FILIP1L: variants seen among roughly 807,000 people sequenced by gnomAD.
The protein encoded by FILIP1L is filamin A interacting protein 1 like.
FILIP1L carries 55 observed loss-of-function variants against 96.6 expected under a neutral mutation model. The ratio of observed to expected loss-of-function variants is 0.57; its 90% CI spans 0.46 to 0.71. FILIP1L has a LOEUF of 0.71. FILIP1L is among the 30% of genes least tolerant of loss of function. The pLI is 0.00. For missense variants in FILIP1L, 1,304 were observed against 1,321.2 expected (o/e 0.99, Z 0.20); for synonymous variants, 467 against 473.9 (o/e 0.99, Z 0.19).
chr3:99,903,325 C>T (rs1247096928), intron 4 of FILIP1L, among the ~76,000 whole-genome samples: 1 of 151,818 alleles, frequency 6.6e-6, no homozygotes, highest in East Asian at 1.9e-4. Context: ...GATCTCAGCT[C>T]ACTGCAACCT....
chr3:99,944,961 G>C (rs541913767), intron 1 of FILIP1L, among the ~76,000 whole-genome samples: 1 of 152,310 alleles, frequency 6.6e-6, no homozygotes, highest in South Asian at 2.1e-4. Flanking sequence ...CTTCACTACT[G>C]TTCATTATTC....
intron 4 of FILIP1L, among the ~76,000 whole-genome samples, chr3:99,889,292 A>C (rs1706009024): frequency 6.6e-6 from 1 of 152,134 alleles, no homozygotes; most frequent in Non-Finnish European, 1.5e-5. Context: ...CACAAATTCA[A>C]ACTGTTCCTA....
intron 1 of FILIP1L, among the ~76,000 whole-genome samples, chr3:99,938,751 G>A (rs988904124): frequency 4.6e-5 from 7 of 152,020 alleles, no homozygotes; most frequent in African/African-American, 9.7e-5. Flanking sequence ...TGTTAATAGC[G>A]CTCAGTTGCA....
At chr3:99,911,179 A>AATGT (rs1408887942) in intron 4 of FILIP1L, among the ~76,000 whole-genome samples, 7 of 152,066 alleles carry the variant, frequency 4.6e-5, no homozygotes, top group African/African-American at 1.7e-4. Flanking sequence ...AGCCAAATGG[A>AATGT]AATGTATTTC....
At chr3:99,867,444 C>T (rs1437360934) in intron 4 of FILIP1L, among the ~76,000 whole-genome samples, 1 of 152,142 alleles carries the variant, frequency 6.6e-6, no homozygotes, top group East Asian at 1.9e-4. Context: ...AAAGCTCTGG[C>T]TTCACTATTC....
At chr3:100,099,526 G>A (rs368404237) in intron 1 of FILIP1L, among the ~76,000 whole-genome samples, 4 of 152,032 alleles carry the variant, frequency 2.6e-5, no homozygotes, top group African/African-American at 7.2e-5. Flanking sequence ...TATTTGTATC[G>A]GTCTAATTAT....
At chr3:99,958,783 G>A (rs542157023) in intron 1 of FILIP1L, among the ~76,000 whole-genome samples, 1 of 152,296 alleles carries the variant, frequency 6.6e-6, no homozygotes, top group South Asian at 2.1e-4. Context: ...GGCTGGTGAT[G>A]TAGTGGAACA....
At chr3:99,863,861 C>G (rs969075683) in intron 4 of FILIP1L, among the ~76,000 whole-genome samples, 3 of 152,162 alleles carry the variant, frequency 2.0e-5, no homozygotes, top group African/African-American at 7.2e-5. Context: ...TTCTTATGCT[C>G]TCCCCTTTTT....
intron 1 of FILIP1L, among the ~76,000 whole-genome samples, chr3:100,094,858 G>A (rs750647659): frequency 2.0e-5 from 3 of 151,584 alleles, no homozygotes; most frequent in African/African-American, 7.3e-5. Flanking sequence ...AATTTTGTGT[G>A]TGTGTTTTTT....
At chr3:100,029,235 A>G (rs2064981871) in intron 1 of FILIP1L, among the ~76,000 whole-genome samples, 1 of 151,856 alleles carries the variant, frequency 6.6e-6, no homozygotes, top group South Asian at 2.1e-4. Flanking sequence ...TTATTTTCAC[A>G]TGTATAAATA....
chr3:100,108,744 C>T (rs574477029), intron 1 of FILIP1L, among the ~76,000 whole-genome samples: 1 of 152,248 alleles, frequency 6.6e-6, no homozygotes, highest in African/African-American at 2.4e-5. Flanking sequence ...AGCAAATGAA[C>T]AAATGTATGC....
rs182636645 is a variant in FILIP1L at position 99,926,472 on chromosome 3, A to G, written c.427-2064T>C. Among the ~76,000 whole-genome samples the G allele has an allele frequency of 2.0e-5, 3 of 152,344 alleles. No homozygotes were observed. In the East Asian group the frequency reaches 5.8e-4, roughly 29 times the overall value. On this transcript the variant is annotated intron_variant, in intron 3 of 5. Coordinates refer to ENST00000477258, the MANE Select transcript of FILIP1L (RefSeq NM_001387850.1). ...AAATTTTATCTTCAGTTGCCCAAAC[A>G]TTAGAGTCCATTGTAAGGAAAATTC...
chr3:100,006,131 ACT>A (rs969252726), intron 1 of FILIP1L, among the ~76,000 whole-genome samples: 19 of 151,952 alleles, frequency 1.3e-4, no homozygotes, highest in African/African-American at 4.3e-4. Context: ...CAGTTATAAA[ACT>A]CTGTGGGATG....
chr3:99,849,294 T>C lies in FILIP1L; in HGVS notation c.2382A>G (p.Gln794=), dbSNP rs761981604. The C allele has an allele frequency of 1.9e-6, 3 of 1,614,182 alleles. No homozygotes were observed. The highest frequency in any genetic ancestry group is 2.5e-6 in the Non-Finnish European group (3 of 1,180,016). ...CTGTCTGAACTTCTTTAGAAAATAC[T>C]TGAGGATCGGAAATTCTTCTTCCAT... The part of the protein sequence containing the change: ...SLNGRRISDP[Q]VFSKEVQTEA... The change falls in exon 5 of 6, where the codon CAA becomes CAG. Residue 794 remains glutamine, a synonymous_variant. Transcript: ENST00000477258.
At chr3:99,929,822 C>A in intron 3 of FILIP1L, 34 bp downstream of exon 3, 1 of 1,526,254 alleles carries the variant, frequency 6.6e-7, no homozygotes, top group Non-Finnish European at 8.8e-7. Flanking sequence ...TGCTTGGCTG[C>A]CTCCCAGGTA....
At chr3:100,027,069 C>T (rs1262214710) in intron 1 of FILIP1L, among the ~76,000 whole-genome samples, 3 of 152,122 alleles carry the variant, frequency 2.0e-5, no homozygotes, top group Non-Finnish European at 4.4e-5. Context: ...CCCCTGCATC[C>T]CTTTGCTTAA....
intron 4 of FILIP1L, among the ~76,000 whole-genome samples, chr3:99,892,491 C>A (rs1163351783): frequency 6.6e-6 from 1 of 152,196 alleles, no homozygotes; most frequent in Non-Finnish European, 1.5e-5. Flanking sequence ...AAAAATCCAG[C>A]CTTGTGGCAG....
chr3:99,919,357 C>T (rs148495137), intron 4 of FILIP1L, among the ~76,000 whole-genome samples: 47 of 150,374 alleles, frequency 3.1e-4, no homozygotes, highest in African/African-American at 1.2e-3. Flanking sequence ...TTGTTTTACA[C>T]AATGAACAAA....
intron 1 of FILIP1L, among the ~76,000 whole-genome samples, chr3:100,068,574 T>C (rs2065706922): frequency 6.6e-6 from 1 of 152,204 alleles, no homozygotes; most frequent in South Asian, 2.1e-4. Context: ...TAATACATAG[T>C]ATATGTATCA....
Sources: allele counts gnomAD v4.1 joint callset (sites outside exome capture counted in the v4.1 genomes callset), GRCh38; gene constraint gnomAD v4.1.1; transcripts MANE v1.5; gene names NCBI Gene and HGNC (gene_info 2026-07-23, HGNC 2026-07-21).